Variants in SETX observed in about 807,000 individuals in gnomAD.
The protein encoded by SETX is senataxin, also known as helicase senataxin.
SETX carries 90 observed loss-of-function variants against 227.2 expected under a neutral mutation model. That is an observed-to-expected ratio of 0.40 (90% CI 0.33 to 0.47). SETX has a LOEUF of 0.47. Among genes scored for constraint, SETX ranks in the 20% least tolerant of loss-of-function variants. The pLI, the probability that SETX is intolerant of heterozygous loss-of-function variation, is 0.91. For missense variants in SETX, 3,052 were observed against 3,181.5 expected (o/e 0.96, Z 0.98); for synonymous variants, 1,210 against 1,113.2 (o/e 1.09, Z -1.73).
At chr9:132,304,123 G>C (rs1845187510) in intron 11 of SETX, among the ~76,000 whole-genome samples, 1 of 152,134 alleles carries the variant, frequency 6.6e-6, no homozygotes, top group Non-Finnish European at 1.5e-5. Context: ...GAGAGCTCAG[G>C]AGCCTCAGCC....
In SETX at chr9:132,264,349, C is replaced by G. The variant is rs766780151; in HGVS notation, c.7924G>C (p.Glu2642Gln). 1.9e-6 allele frequency: 3 copies of G among 1,614,196 alleles called. No individual in the cohort carries two copies. Among genetic ancestry groups the G allele is most frequent in the South Asian group, 1.1e-5 (1 of 91,084 alleles). The change falls in exon 26 of 26, where the codon GAG becomes CAG. Residue 2642 changes from glutamate to glutamine, a missense_variant. Coordinates refer to ENST00000224140, the MANE Select transcript of SETX (RefSeq NM_015046.7). ...RREARAFSEG[E>Q]QEKCGSETHH... ...GTCTCGGAACCACACTTCTCCTGCT[C>G]CCCTTCACTGAAAGCCCTGGCCTCT...
intron 3 of SETX, among the ~76,000 whole-genome samples, chr9:132,347,129 C>T (rs934690106): frequency 3.3e-5 from 5 of 151,596 alleles, no homozygotes; most frequent in Admixed American, 1.3e-4. Context: ...TGGTGCATGC[C>T]TGTAATCCCA....
chr9:132,280,269 A>G (rs574292787), intron 20 of SETX, among the ~76,000 whole-genome samples: 5 of 144,856 alleles, frequency 3.5e-5, no homozygotes, highest in East Asian at 2.2e-4. Flanking sequence ...ACAACAATTT[A>G]AACAGCACAA....
intron 12 of SETX, among the ~76,000 whole-genome samples, chr9:132,299,152 G>A (rs1844845578): frequency 6.6e-6 from 1 of 152,208 alleles, no homozygotes. Flanking sequence ...TGAGGTGTGA[G>A]AGAAAGTAAG....
chr9:132,349,485 T>A (rs771717976), intron 2 of SETX, 50 bp from the exon 3 acceptor site: 2 of 1,581,294 alleles, frequency 1.3e-6, no homozygotes, highest in Admixed American at 3.4e-5. Flanking sequence ...TCAGACCTAC[T>A]GTGTGTCAAG....
At chr9:132,334,372 C>T (rs1297539369) in intron 7 of SETX, among the ~76,000 whole-genome samples, 1 of 152,126 alleles carries the variant, frequency 6.6e-6, no homozygotes, top group Non-Finnish European at 1.5e-5. Flanking sequence ...TTCTTGAACC[C>T]AGGAGGTGGA....
At chr9:132,345,634 A>G (rs1456095078) in intron 4 of SETX, among the ~76,000 whole-genome samples, 2 of 152,242 alleles carry the variant, frequency 1.3e-5, no homozygotes, top group African/African-American at 4.8e-5. Flanking sequence ...AAGCAAATAT[A>G]GCAAAATGTT....
chr9:132,327,497 AT>A lies in SETX; in HGVS notation c.4100del (p.Asp1367ValfsTer47). On this transcript the variant is annotated frameshift_variant, in exon 10 of 26. Transcript: ENST00000224140. LOFTEE classifies it high-confidence loss of function. ...CTCTTTTAACATCTGTACTTTCACAATCAGAAAGTCTTCGTCTATTTTTTTG... is the reference window on the plus strand; with the variant it reads ...CTCTTTTAACATCTGTACTTTCACAACAGAAAGTCTTCGTCTATTTTTTTG... ...KSQKNRRRLSDCESTDVKRAG... is the reference protein window; with the variant it reads ...KSQKNRRRLSXCESTDVKRAG... 1 of 1,614,088 alleles carries A rather than the reference AT, an allele frequency of 6.2e-7. No homozygotes were observed. Among genetic ancestry groups the A allele is most frequent in the South Asian group, 1.1e-5 (1 of 91,082 alleles).
intron 18 of SETX, among the ~76,000 whole-genome samples, chr9:132,285,167 G>A (rs375556408): frequency 2.9e-4 from 44 of 152,016 alleles, no homozygotes; most frequent in Middle Eastern, 3.4e-3. Flanking sequence ...GTGAGCCACC[G>A]CGCCTGGCCA....
intron 10 of SETX, among the ~76,000 whole-genome samples, chr9:132,321,556 C>T (rs1037909984): frequency 6.7e-6 from 1 of 148,364 alleles, no homozygotes; most frequent in Non-Finnish European, 1.5e-5. Context: ...ACTTGGGAGG[C>T]TGAGGCAGGA....
chr9:132,264,201 A>T lies in SETX; in HGVS notation c.*38T>A. 1 of 1,612,912 alleles carries T rather than the reference A, an allele frequency of 6.2e-7. No homozygotes were observed. The highest frequency in any genetic ancestry group is 8.5e-7 in the Non-Finnish European group (1 of 1,179,996). ...CACGAGCTGGTCATCTTCAGTTTAC[A>T]ATATGCTGTGGCTGCTGGCCCATGT... On this transcript the variant is annotated 3_prime_UTR_variant, in exon 26 of 26. Transcript: ENST00000224140.
At chr9:132,325,468 GA>G (rs1192288485) in intron 10 of SETX, among the ~76,000 whole-genome samples, 6 of 152,196 alleles carry the variant, frequency 3.9e-5, no homozygotes, top group African/African-American at 1.4e-4. Flanking sequence ...ACCTCCTCAA[GA>G]AAACTACAGC....
At chr9:132,285,861 AGAGT>A (rs2131229791) in intron 18 of SETX, among the ~76,000 whole-genome samples, 1 of 139,168 alleles carries the variant, frequency 7.2e-6, no homozygotes, top group African/African-American at 2.7e-5. Context: ...GCCTGGCAAC[AGAGT>A]GAGACTCTGT....
In SETX at chr9:132,328,850, A is replaced by AAT; in HGVS notation, c.2747_2748insAT (p.Met917LeufsTer2). ...CATCTCTTGATTCAGGTACAGTCAT[A>AAT]AGATCTTTAAAGGGAGATGATTTCT... On this transcript the variant is annotated frameshift_variant, in exon 10 of 26. Transcript: ENST00000224140. LOFTEE classifies it high-confidence loss of function. The AAT allele has an allele frequency of 6.2e-7, 1 of 1,613,952 alleles. No homozygotes were observed.
chr9:132,356,507 C>T (rs503003), upstream of SETX, among the ~76,000 whole-genome samples: 121,739 of 152,108 alleles, frequency 0.8, 49,224 homozygotes, highest in Non-Finnish European at 0.86. Flanking sequence ...CGGCCCCTAC[C>T]CCCTTTTAGT....
At chr9:132,273,847 T>G (rs28890830) in intron 23 of SETX, among the ~76,000 whole-genome samples, 25,565 of 152,170 alleles carry the variant, frequency 0.17, 2,639 homozygotes, top group East Asian at 0.43. Flanking sequence ...AAAAAAAGCA[T>G]TAAGAGTTTC....
intron 23 of SETX, among the ~76,000 whole-genome samples, chr9:132,272,068 G>C (rs573128344): frequency 1.3e-5 from 2 of 152,108 alleles, no homozygotes; most frequent in East Asian, 3.9e-4. Context: ...ATTTTTAGTA[G>C]AGACTGGGTT....
At chr9:132,285,415 T>C (rs1843797262) in intron 18 of SETX, among the ~76,000 whole-genome samples, 1 of 152,194 alleles carries the variant, frequency 6.6e-6, no homozygotes, top group Non-Finnish European at 1.5e-5. Context: ...CCACAGATGT[T>C]TGTAATTTTT....
intron 5 of SETX, among the ~76,000 whole-genome samples, chr9:132,341,134 G>T (rs1018545276): frequency 6.6e-6 from 1 of 152,108 alleles, no homozygotes; most frequent in Non-Finnish European, 1.5e-5. Flanking sequence ...ATCATTTGAG[G>T]TTAGGAGTTT....
Sources: allele counts gnomAD v4.1 joint callset (sites outside exome capture counted in the v4.1 genomes callset), GRCh38; gene constraint gnomAD v4.1.1; transcripts MANE v1.5; gene names NCBI Gene and HGNC (gene_info 2026-07-23, HGNC 2026-07-21).